The following ZNF250 variants were observed in gnomAD, a reference collection of about 807,000 sequenced individuals.
ZNF250 encodes the protein zinc finger protein 250, also known as zinc finger protein (clone 647).
A neutral mutation model predicts 37.1 loss-of-function variants in ZNF250; 13 were observed. That is an observed-to-expected ratio of 0.35 (90% CI 0.23 to 0.56). The LOEUF (loss-of-function observed/expected upper bound fraction) is 0.56, where lower values mean the gene tolerates loss of function less well. Among genes scored for constraint, ZNF250 ranks in the 20% least tolerant of loss-of-function variants. The pLI is 0.87. For synonymous variants in ZNF250, 251 were observed against 265.6 expected, an observed-to-expected ratio of 0.94 and a Z score of 0.54; for missense variants, 474 against 697.9, an observed-to-expected ratio of 0.68 and a Z score of 3.61.
chr8:144,893,687 C>T (rs1832512415), intron 1 of ZNF250, among the ~76,000 whole-genome samples: 1 of 152,152 alleles, frequency 6.6e-6, no homozygotes, highest in Non-Finnish European at 1.5e-5. Flanking sequence ...GGAAACCTGG[C>T]AGAGGTGGAT....
rs1447391255 is a variant in ZNF250, at chr8:144,879,445, C to G, written c.*2070G>C. 2.0e-5 allele frequency: 3 copies of G among 152,260 alleles called. No homozygotes were observed. The highest frequency in any genetic ancestry group is 4.4e-5 in the Non-Finnish European group (3 of 68,084). 9.4% of individuals were successfully genotyped at this position (152,260 alleles called of 1,614,324 possible). On this transcript the variant is annotated 3_prime_UTR_variant, in exon 6 of 6. Transcript: ENST00000417550. ...CCTGGATGGGCACAGCAGCTCATGCCTGTAATCCTAACCTTTTGGGAAGGT... is the reference window on the plus strand; with the variant it reads ...CCTGGATGGGCACAGCAGCTCATGCGTGTAATCCTAACCTTTTGGGAAGGT...
At chr8:144,894,931 C>G (rs1245110419) in intron 1 of ZNF250, among the ~76,000 whole-genome samples, 1 of 151,890 alleles carries the variant, frequency 6.6e-6, no homozygotes, top group Non-Finnish European at 1.5e-5. Context: ...CCGAAAGTGT[C>G]AAGATTACAG....
intron 4 of ZNF250, among the ~76,000 whole-genome samples, chr8:144,887,719 C>T (rs1831996681): frequency 6.6e-6 from 1 of 152,156 alleles, no homozygotes; most frequent in Non-Finnish European, 1.5e-5. Flanking sequence ...AAATGCCCTC[C>T]TGTGTTTTCT....
rs922035959 is a variant in ZNF250 at position 144,901,266 on chromosome 8, G to A, written c.-55+133C>T. 1 of 152,322 alleles carries A rather than the reference G, an allele frequency of 6.6e-6. No individual in the cohort carries two copies. Among genetic ancestry groups the A allele is most frequent in the Non-Finnish European group, 1.5e-5 (1 of 68,162 alleles). The allele number at this position is 152,322 out of a possible 1,614,324, so 9.4% of individuals were successfully genotyped here. ...GGCCGCCGCGCGTCCGTGAGGGGAG[G>A]GGACCAGCGTAAACGCAGGAGGCAG... On this transcript the variant is annotated intron_variant, in intron 1 of 5. Transcript: ENST00000417550. The surrounding 1 kb of genome is among the most constrained non-coding windows in gnomAD (Gnocchi z 5.4).
chr8:144,890,409 G>A lies in ZNF250; in HGVS notation c.-54-6C>T. 1 of 1,417,822 alleles carries A rather than the reference G, an allele frequency of 7.1e-7. No individual in the cohort carries two copies. Among genetic ancestry groups the A allele is most frequent in the Non-Finnish European group, 9.3e-7 (1 of 1,079,544 alleles). The allele number at this position is 1,417,822 out of a possible 1,614,324, so 87.8% of individuals were successfully genotyped here. On this transcript the variant is annotated splice_polypyrimidine_tract_variant and splice_region_variant and intron_variant, in intron 1 of 5. Coordinates refer to ENST00000417550, the MANE Select transcript of ZNF250 (RefSeq NM_001109689.4). This position sits in a 1 kb window ranked among gnomAD's most constrained non-coding sequence, Gnocchi z 5.1. ...AATTGAAGGAGCCTATGGGGCTGAG[G>A]AAGAGGAGGGGGCAAGTGAGGGGCA...
At chr8:144,901,790 C>T (rs1338619544), upstream of ZNF250, 3 of 152,780 alleles carry the variant, frequency 2.0e-5, no homozygotes, top group Non-Finnish European at 2.9e-5. The surrounding 1 kb of genome is among the most constrained non-coding windows in gnomAD (Gnocchi z 5.4). Context: ...CGCCGTCGCC[C>T]TGTGGAGGAC....
Position 144,880,311 on chromosome 8 carries a change from G to A in ZNF250, c.*1204C>T, listed in dbSNP as rs879351893. On this transcript the variant is annotated 3_prime_UTR_variant, in exon 6 of 6. Coordinates refer to ENST00000417550, the MANE Select transcript of ZNF250 (RefSeq NM_001109689.4). ...TTTTAAATATATCTACCAAAGAACA[G>A]TATTTTCAGCATTGTTTTGGGGGAA... The A allele has an allele frequency of 2.5e-6, 1 of 394,938 alleles. No individual in the cohort carries two copies. Among genetic ancestry groups the A allele is most frequent in the African/African-American group, 2.1e-5 (1 of 48,400 alleles). 24.5% of individuals were successfully genotyped at this position (394,938 alleles called of 1,614,324 possible). A position where few individuals can be genotyped will look rare whatever the true frequency, so the allele number is the denominator to read the frequency against.
chr8:144,886,755 C>G, intron 5 of ZNF250, 85 bp downstream of exon 5: 1 of 1,241,882 alleles, frequency 8.1e-7, no homozygotes, highest in South Asian at 1.3e-5. Flanking sequence ...TTCATAGCAC[C>G]GAGTCGCCTC....
chr8:144,883,547 C>A (rs1831654209), intron 5 of ZNF250, among the ~76,000 whole-genome samples: 1 of 152,020 alleles, frequency 6.6e-6, no homozygotes, highest in African/African-American at 2.4e-5. Context: ...ATCGTGTCGG[C>A]CAGACTGGTC....
In ZNF250 at chr8:144,877,456, TCAGG is replaced by T. The variant is rs1831200747; in HGVS notation, c.*4055_*4058del. On this transcript the variant is annotated 3_prime_UTR_variant, in exon 6 of 6. Coordinates refer to ENST00000417550, the MANE Select transcript of ZNF250 (RefSeq NM_001109689.4). ...ATAAAGGTGGAATGCTGCTGACAAA[TCAGG>T]CAGAAGATAATGGTTGAGAAGACTG... The T allele has an allele frequency of 6.6e-6, 1 of 152,230 alleles. No individual in the cohort carries two copies. Among genetic ancestry groups the T allele is most frequent in the Non-Finnish European group, 1.5e-5 (1 of 68,044 alleles). The allele number at this position is 152,230 out of a possible 1,614,324, so 9.4% of individuals were successfully genotyped here. A position where few individuals can be genotyped will look rare whatever the true frequency, so the allele number is the denominator to read the frequency against.
At chr8:144,888,543 C>G (rs1832063201) in intron 4 of ZNF250, among the ~76,000 whole-genome samples, 1 of 149,234 alleles carries the variant, frequency 6.7e-6, no homozygotes, top group African/African-American at 2.5e-5. Context: ...CTTGCAGTGA[C>G]CCGAGACTCA....
chr8:144,886,764 T>G (rs1188148728), intron 5 of ZNF250, 76 bp downstream of exon 5: 1 of 1,385,666 alleles, frequency 7.2e-7, no homozygotes, highest in Non-Finnish European at 1.0e-6. Context: ...CCGAGTCGCC[T>G]CTACATTCTT....
Position 144,897,717 on chromosome 8 carries a change from A to C in ZNF250, c.-55+3682T>G, listed in dbSNP as rs1216735061. On this transcript the variant is annotated intron_variant, in intron 1 of 5. Transcript: ENST00000417550. This position sits in a 1 kb window ranked among gnomAD's most constrained non-coding sequence, Gnocchi z 5.2. The stretch of plus-strand genomic sequence containing the variant: ...TGAACAGAGATTTACCCACGTATTT[A>C]TTAACAGCAAGCCAGTCATTAGCAT... Among the ~76,000 whole-genome samples, 1 of 152,220 alleles carries C rather than the reference A, an allele frequency of 6.6e-6. No homozygotes were observed. Among genetic ancestry groups the C allele is most frequent in the Non-Finnish European group, 1.5e-5 (1 of 68,040 alleles).
At chr8:144,885,827 C>G (rs1378146504) in intron 5 of ZNF250, among the ~76,000 whole-genome samples, 1 of 152,000 alleles carries the variant, frequency 6.6e-6, no homozygotes, top group Non-Finnish European at 1.5e-5. Context: ...GAAGTTTCAC[C>G]CGGTGTGGTG....
rs952275714 is a variant in ZNF250 at position 144,901,143 on chromosome 8, C to A, written c.-55+256G>T. On this transcript the variant is annotated intron_variant, in intron 1 of 5. Coordinates refer to ENST00000417550, the MANE Select transcript of ZNF250 (RefSeq NM_001109689.4). The surrounding 1 kb of genome is among the most constrained non-coding windows in gnomAD (Gnocchi z 5.4). ...AGGGACCGAGGCCGTCCGAGGCGGA[C>A]GGGGGTGCGGGAGGGCCTGAGGGGG... 4.9e-4 allele frequency among the ~76,000 whole-genome samples: 61 copies of A among 124,026 alleles called. No individual in the cohort carries two copies. Among genetic ancestry groups the A allele is most frequent in the African/African-American group, 1.8e-3 (60 of 33,124 alleles). 81.4% of individuals were successfully genotyped at this position (124,026 alleles called of 152,430 possible). A position where few individuals can be genotyped will look rare whatever the true frequency, so the allele number is the denominator to read the frequency against.
chr8:144,882,633 G>A lies in ZNF250; in HGVS notation c.550C>T (p.His184Tyr), dbSNP rs1473253863. 2 of 1,614,004 alleles carry A rather than the reference G, an allele frequency of 1.2e-6. No homozygotes were observed. The highest frequency in any genetic ancestry group is 2.2e-5 in the East Asian group (1 of 44,878). Reference protein sequence around the residue: ...VLSQSMPLTPHQAVPSGERPY... With the variant: ...VLSQSMPLTPYQAVPSGERPY... ...CTCTCTCCACTAGGCACTGCCTGGTGCGGAGTGAGTGGCATGCTTTGGCTT... is the reference window on the plus strand; with the variant it reads ...CTCTCTCCACTAGGCACTGCCTGGTACGGAGTGAGTGGCATGCTTTGGCTT... The change falls in exon 6 of 6, where the codon CAC becomes TAC. Residue 184 changes from histidine to tyrosine, a missense_variant. His to Tyr is a moderately conservative substitution (Grantham distance 83). Transcript: ENST00000417550. This position sits in a 1 kb window ranked among gnomAD's most constrained non-coding sequence, Gnocchi z 5.5.
At chr8:144,893,869 T>C (rs1586918193) in intron 1 of ZNF250, among the ~76,000 whole-genome samples, 1 of 152,178 alleles carries the variant, frequency 6.6e-6, no homozygotes, top group African/African-American at 2.4e-5. Context: ...TCCTCCTACC[T>C]GCATCTTGTG....
rs1831389580 is a variant in ZNF250 at position 144,880,448 on chromosome 8, G to A, written c.*1067C>T. On this transcript the variant is annotated 3_prime_UTR_variant, in exon 6 of 6. Transcript: ENST00000417550. Reference sequence around the variant, plus strand: ...GAATTGAGACATCTCACGGTTTCTGGGGCACAGGATCTGCAGGTCATAAGG... The same window carrying A: ...GAATTGAGACATCTCACGGTTTCTGAGGCACAGGATCTGCAGGTCATAAGG... 2.2e-6 allele frequency: 1 copy of A among 456,730 alleles called. No homozygotes were observed. The highest frequency in any genetic ancestry group is 2.3e-5 in the Admixed American group (1 of 42,568). 28.3% of individuals were successfully genotyped at this position (456,730 alleles called of 1,614,324 possible).
At chr8:144,893,483 T>C (rs1169100697) in intron 1 of ZNF250, among the ~76,000 whole-genome samples, 1 of 152,074 alleles carries the variant, frequency 6.6e-6, no homozygotes, top group East Asian at 1.9e-4. Flanking sequence ...GACACCTGCC[T>C]CCATGCCCGG....
Sources: gnomAD v4.1 joint callset for allele counts (sites outside exome capture counted in the v4.1 genomes callset) on GRCh38, gnomAD v4.1.1 for gene constraint, Gnocchi (gnomAD v3.1) non-coding constraint, MANE v1.5 for transcripts, NCBI Gene and HGNC (gene_info 2026-07-23, HGNC 2026-07-21) for gene names.